The following MAP4K4 variants were observed in gnomAD, a reference collection of about 807,000 sequenced individuals.
The protein encoded by MAP4K4 is mitogen-activated protein kinase kinase kinase kinase 4, also known as HPK/GCK-like kinase HGK.
MAP4K4 carries 38 observed loss-of-function variants against 189.6 expected under a neutral mutation model. The ratio of observed to expected loss-of-function variants is 0.20; its 90% CI spans 0.15 to 0.26. MAP4K4 has a LOEUF of 0.26. Ranked by LOEUF, MAP4K4 falls within the 10% of genes least tolerant of loss-of-function variation. The pLI, the probability that MAP4K4 is intolerant of heterozygous loss-of-function variation, is 1.00. For synonymous variants in MAP4K4, 610 were observed against 624.3 expected (o/e 0.98, Z 0.34); for missense variants, 1,054 against 1,726.9 (o/e 0.61, Z 6.91).
exon 33 of MAP4K4, chr2:101,892,003 A>AGG (rs2098577251): frequency 6.6e-6 from 1 of 150,612 alleles, no homozygotes; most frequent in Non-Finnish European, 1.5e-5. Flanking sequence ...AAAAAAAAAA[A>AGG]AAAAAAAAAA....
At chr2:101,873,526 C>T in intron 24 of MAP4K4, 121 bp from the exon 25 acceptor site, 1 of 602,146 alleles carries the variant, frequency 1.7e-6, no homozygotes, top group South Asian at 1.9e-5. Context: ...GGGAATGATG[C>T]AAGGCAAATA....
chr2:101,764,930 A>G (rs1021447951), intron 2 of MAP4K4, among the ~76,000 whole-genome samples: 1 of 152,228 alleles, frequency 6.6e-6, no homozygotes, highest in African/African-American at 2.4e-5. Context: ...TATGAGCATT[A>G]TTAGTTGGAC....
At chr2:101,881,546 A>G (rs1262705809) in intron 27 of MAP4K4, among the ~76,000 whole-genome samples, 4 of 152,136 alleles carry the variant, frequency 2.6e-5, no homozygotes, top group Non-Finnish European at 5.9e-5. Context: ...ATTAGCTAGG[A>G]CACCCAATAT....
chr2:101,713,931 A>G (rs552412026), intron 2 of MAP4K4, among the ~76,000 whole-genome samples: 1 of 152,284 alleles, frequency 6.6e-6, no homozygotes, highest in Admixed American at 6.5e-5. Context: ...ATCTGATCCT[A>G]CCAAAAATAA....
intron 2 of MAP4K4, among the ~76,000 whole-genome samples, chr2:101,752,911 G>C (rs1205379015): frequency 6.6e-6 from 1 of 152,188 alleles, no homozygotes; most frequent in Non-Finnish European, 1.5e-5. Flanking sequence ...GGCTCCGACT[G>C]TAGGGAGCAT....
chr2:101,714,183 ATTC>A (rs2047198588), intron 2 of MAP4K4, among the ~76,000 whole-genome samples: 1 of 152,184 alleles, frequency 6.6e-6, no homozygotes, highest in African/African-American at 2.4e-5. Flanking sequence ...AATAGTTGTT[ATTC>A]TTATACTTTC....
chr2:101,809,194 G>A (rs1210467243), intron 3 of MAP4K4, among the ~76,000 whole-genome samples: 1 of 152,114 alleles, frequency 6.6e-6, no homozygotes, highest in Admixed American at 6.5e-5. Context: ...CTTTGAGCTT[G>A]TATATAGCGC....
chr2:101,713,682 G>A (rs1342891063), intron 2 of MAP4K4, among the ~76,000 whole-genome samples: 1 of 151,092 alleles, frequency 6.6e-6, no homozygotes, highest in Admixed American at 6.6e-5. Flanking sequence ...ATTGCTTGAG[G>A]TCAGGAATTC....
chr2:101,713,369 C>T lies in MAP4K4; in HGVS notation c.123+14831C>T, dbSNP rs536373118. Among the ~76,000 whole-genome samples the T allele has an allele frequency of 2.0e-5, 3 of 148,422 alleles. 1 individual carries two copies. Among genetic ancestry groups the T allele is most frequent in the South Asian group, 4.3e-4 (2 of 4,628 alleles). ...CAGCACTTTGGGAGGCTTAGGTGGG[C>T]GGATCTTTTGAGGTCAGGAGTTCAA... On this transcript the variant is annotated intron_variant, in intron 2 of 32. Transcript: ENST00000324219.
intron 2 of MAP4K4, among the ~76,000 whole-genome samples, chr2:101,754,812 G>C (rs2071438166): frequency 6.6e-6 from 1 of 152,176 alleles, no homozygotes; most frequent in Non-Finnish European, 1.5e-5. Flanking sequence ...AGCGAGAAAG[G>C]CTTTTTTTGC....
At chr2:101,822,062 G>T (rs1453637384) in intron 3 of MAP4K4, among the ~76,000 whole-genome samples, 2 of 152,124 alleles carry the variant, frequency 1.3e-5, no homozygotes, top group African/African-American at 4.8e-5. Context: ...TAATAACAAT[G>T]CCTTCTTAGG....
intron 3 of MAP4K4, among the ~76,000 whole-genome samples, chr2:101,819,560 T>C (rs1487985612): frequency 6.6e-6 from 1 of 152,254 alleles, no homozygotes; most frequent in Non-Finnish European, 1.5e-5. Flanking sequence ...GTTCAAAGTA[T>C]ATATAAACTT....
chr2:101,835,668 C>G (rs2096729342), intron 8 of MAP4K4, among the ~76,000 whole-genome samples: 1 of 152,138 alleles, frequency 6.6e-6, no homozygotes, highest in Non-Finnish European at 1.5e-5. Context: ...TTTCCAATGT[C>G]TTTTTGAAAA....
chr2:101,872,603 A>G (rs1267548704), intron 24 of MAP4K4, among the ~76,000 whole-genome samples: 4 of 152,176 alleles, frequency 2.6e-5, no homozygotes, highest in Admixed American at 6.5e-5. Flanking sequence ...TCTCCTCCGG[A>G]GGAGCAGTGG....
chr2:101,733,294 T>C (rs1263621630), intron 2 of MAP4K4, among the ~76,000 whole-genome samples: 1 of 151,882 alleles, frequency 6.6e-6, no homozygotes, highest in Non-Finnish European at 1.5e-5. Context: ...TCTTTGAGTG[T>C]GTGATGAAAG....
rs746630060 is a variant in MAP4K4 at position 101,829,571 on chromosome 2, C to G, written c.485C>G (p.Thr162Ser). Residue 162 changes from threonine to serine, a missense_variant, in exon 6 of 33, where the codon ACT becomes AGT. Thr to Ser is a moderately conservative substitution (Grantham distance 58). Coordinates refer to ENST00000324219, the Ensembl canonical transcript of MAP4K4. Reference sequence around the variant, plus strand: ...ATCAAGGGCCAGAATGTGTTGCTGACTGAGAATGCAGAGGTGAAACTTGGT... The same window carrying G: ...ATCAAGGGCCAGAATGTGTTGCTGAGTGAGAATGCAGAGGTGAAACTTGGT... The G allele has an allele frequency of 7.4e-6, 12 of 1,610,932 alleles. No homozygotes were observed. Among genetic ancestry groups the G allele is most frequent in the Non-Finnish European group, 1.0e-5 (12 of 1,178,570 alleles).
chr2:101,882,537 A>G lies in MAP4K4; in HGVS notation c.3386-14A>G. 7 of 1,564,960 alleles carry G rather than the reference A, an allele frequency of 4.5e-6. No homozygotes were observed. Among genetic ancestry groups the G allele is most frequent in the Non-Finnish European group, 6.0e-6 (7 of 1,159,664 alleles). On this transcript the variant is annotated splice_polypyrimidine_tract_variant and intron_variant, in intron 27 of 32. Coordinates refer to ENST00000324219, the Ensembl canonical transcript of MAP4K4. Reference sequence around the variant, plus strand: ...CTGGATATGCATGTAAAATATTTATATTTATTTTGCTAGGCAAAAAGGATA... The same window carrying G: ...CTGGATATGCATGTAAAATATTTATGTTTATTTTGCTAGGCAAAAAGGATA...
In MAP4K4 at chr2:101,827,096, A is replaced by T. The variant is rs1218037737; in HGVS notation, c.417+1667A>T. 2.0e-5 allele frequency among the ~76,000 whole-genome samples: 3 copies of T among 152,168 alleles called. No homozygotes were observed. In the East Asian group the frequency reaches 5.8e-4, roughly 29 times the overall value. On this transcript the variant is annotated intron_variant, in intron 5 of 32. Transcript: ENST00000324219. ...CCCAGGCAAGCATTGTTTACCTATC[A>T]TATGTAATATGTACCTTTAGCCATT...
At chr2:101,724,961 A>G (rs1379597121) in intron 2 of MAP4K4, among the ~76,000 whole-genome samples, 1 of 152,146 alleles carries the variant, frequency 6.6e-6, no homozygotes, top group Non-Finnish European at 1.5e-5. Flanking sequence ...TATAAATAGT[A>G]CTCAGTATAT....
Sources: gnomAD v4.1 joint callset for allele counts (sites outside exome capture counted in the v4.1 genomes callset) on GRCh38, gnomAD v4.1.1 for gene constraint, MANE v1.5 for transcripts, NCBI Gene and HGNC (gene_info 2026-07-23, HGNC 2026-07-21) for gene names.